TULP4: variants seen among roughly 807,000 people sequenced by gnomAD.
TULP4 encodes the protein tubby-related protein 4.
TULP4 carries 16 observed loss-of-function variants against 129.0 expected under a neutral mutation model. The ratio of observed to expected loss-of-function variants is 0.12; its 90% CI spans 0.08 to 0.19. The LOEUF (loss-of-function observed/expected upper bound fraction) is 0.19, where lower values mean the gene tolerates loss of function less well. Ranked by LOEUF, TULP4 falls within the 10% of genes least tolerant of loss-of-function variation. The probability of loss-of-function intolerance (pLI) is 1.00; values close to 1 mark genes in which losing one functional copy is unlikely to be tolerated. For synonymous variants in TULP4, 998 were observed against 854.0 expected, an observed-to-expected ratio of 1.17 and a Z score of -2.94; for missense variants, 1,842 against 2,059.1, an observed-to-expected ratio of 0.89 and a Z score of 2.04.
rs576395443 is a variant in TULP4 at position 158,246,517 on chromosome 6, T to G, written n.68+14214T>G. 9.2e-5 allele frequency among the ~76,000 whole-genome samples: 14 copies of G among 151,938 alleles called. 1 individual carries two copies. In the East Asian group the frequency reaches 2.3e-3, roughly 25 times the overall value. On this transcript the variant is annotated intron_variant and non_coding_transcript_variant, in intron 1 of 1. Coordinates refer to the TULP4 transcript ENST00000620026. Reference sequence around the variant, plus strand: ...AAAAAAAAAAAAAAAATTAAATACATTATTTGCTCAGAAACATTAATCACA... The same window carrying G: ...AAAAAAAAAAAAAAAATTAAATACAGTATTTGCTCAGAAACATTAATCACA...
chr6:158,242,002 T>G, intron 1 of TULP4: 2 of 846,926 alleles, frequency 2.4e-6, no homozygotes, highest in Non-Finnish European at 4.2e-6. Context: ...ATTTTGGTCC[T>G]TGTTAATGGT....
chr6:158,429,250 C>A (rs1287501431), intron 2 of TULP4, among the ~76,000 whole-genome samples: 1 of 152,230 alleles, frequency 6.6e-6, no homozygotes, highest in Non-Finnish European at 1.5e-5. Context: ...GTGATTCTCT[C>A]ACCTCTGCCT....
intron 1 of TULP4, among the ~76,000 whole-genome samples, chr6:158,342,484 G>T: frequency 6.6e-6 from 1 of 152,212 alleles, no homozygotes; most frequent in Non-Finnish European, 1.5e-5. Flanking sequence ...AGGAAAAATA[G>T]TTCCACGTGC....
chr6:158,301,034 A>G (rs540864169), intron 1 of TULP4, among the ~76,000 whole-genome samples: 4 of 152,236 alleles, frequency 2.6e-5, no homozygotes, highest in African/African-American at 4.8e-5. Context: ...TATGTGTAAT[A>G]TAGAAAGGGT....
chr6:158,270,550 C>T (rs936968504), intron 1 of TULP4, among the ~76,000 whole-genome samples: 3 of 152,160 alleles, frequency 2.0e-5, no homozygotes, highest in African/African-American at 4.8e-5. Context: ...TCTCTGGTAC[C>T]GGGGCCGGTG....
At chr6:158,358,001 C>G (rs1471513008) in intron 1 of TULP4, among the ~76,000 whole-genome samples, 1 of 152,184 alleles carries the variant, frequency 6.6e-6, no homozygotes, top group African/African-American at 2.4e-5. Flanking sequence ...GTGGTTGTGT[C>G]TGCCCTGACA....
At chr6:158,360,122 C>A (rs1473504489) in intron 1 of TULP4, among the ~76,000 whole-genome samples, 1 of 148,608 alleles carries the variant, frequency 6.7e-6, no homozygotes, top group Non-Finnish European at 1.5e-5. Flanking sequence ...AACAAACAAA[C>A]AAGGAAAAAA....
chr6:158,401,678 AAGG>A (rs1315467912), intron 1 of TULP4, among the ~76,000 whole-genome samples: 1 of 152,050 alleles, frequency 6.6e-6, no homozygotes, highest in Admixed American at 6.6e-5. Flanking sequence ...TCTGGACATG[AAGG>A]AGCTCATCTC....
At chr6:158,350,312 TC>T (rs1780481863) in intron 1 of TULP4, among the ~76,000 whole-genome samples, 1 of 146,574 alleles carries the variant, frequency 6.8e-6, no homozygotes, top group African/African-American at 2.5e-5. Flanking sequence ...GCTGCTCACT[TC>T]CTAGATGGGG....
At chr6:158,457,072 T>C (rs527533833) in intron 5 of TULP4, among the ~76,000 whole-genome samples, 30 of 152,264 alleles carry the variant, frequency 2.0e-4, no homozygotes, top group South Asian at 1.2e-3. Context: ...ACCAGAATAC[T>C]GTTGGAGACG....
Position 158,298,260 on chromosome 6 carries a change from C to T in TULP4, n.117-13791C>T, listed in dbSNP as rs180791708. ...TTTTACAATCAATTTGTACAGTTAA[C>T]ACAATTATCACAGTGGTCCTGAGGT... On this transcript the variant is annotated intron_variant and non_coding_transcript_variant, in intron 1 of 1. Coordinates refer to the TULP4 transcript ENST00000432358. 3.7e-3 allele frequency among the ~76,000 whole-genome samples: 564 copies of T among 152,240 alleles called. 4 individuals carry two copies. Among genetic ancestry groups the T allele is most frequent in the African/African-American group, 0.013 (537 of 41,522 alleles).
At chr6:158,370,491 G>A (rs201422460) in intron 1 of TULP4, among the ~76,000 whole-genome samples, 2 of 141,046 alleles carry the variant, frequency 1.4e-5, no homozygotes, top group South Asian at 2.3e-4. Context: ...AAAGATTGTG[G>A]CACTGCACTC....
chr6:158,502,641 A>G lies in TULP4; in HGVS notation c.2978A>G (p.Glu993Gly). The change falls in exon 13 of 14, where the codon GAG becomes GGG. Residue 993 changes from glutamate to glycine, a missense_variant. By Grantham distance (98) the Glu-to-Gly change is moderately conservative (BLOSUM62 -2). Around this residue, in one of 5 missense-constraint regions of TULP4, gnomAD observed 1,089 missense variants for 987.1 expected, o/e 1.10. Transcript: ENST00000367097. ...GCTACCCTGCGGAGGAACAACCGTG[A>G]GGCTACGCTCAAGATGGCCCAGCTG... Reference protein sequence around the residue: ...IHATLRRNNREATLKMAQLAD... With the variant: ...IHATLRRNNRGATLKMAQLAD... The G allele has an allele frequency of 6.3e-7, 1 of 1,585,732 alleles. No individual in the cohort carries two copies. Among genetic ancestry groups the G allele is most frequent in the Non-Finnish European group, 8.5e-7 (1 of 1,170,986 alleles).
intron 13 of TULP4, 73 bp from the exon 14 acceptor site, chr6:158,506,505 A>G: frequency 1.0e-6 from 1 of 983,406 alleles, no homozygotes; most frequent in Non-Finnish European, 1.6e-6. Flanking sequence ...TGCTGGGACT[A>G]CAGGCGTGAG....
chr6:158,275,331 TG>T (rs1778625407), intron 1 of TULP4, among the ~76,000 whole-genome samples: 1 of 152,220 alleles, frequency 6.6e-6, no homozygotes, highest in Non-Finnish European at 1.5e-5. Flanking sequence ...CTGATGGTTC[TG>T]TGGATAGTGG....
At chr6:158,355,348 A>G (rs1185017184) in intron 1 of TULP4, among the ~76,000 whole-genome samples, 1 of 152,148 alleles carries the variant, frequency 6.6e-6, no homozygotes, top group Non-Finnish European at 1.5e-5. Context: ...GGCCTCCCAA[A>G]GTGCTGGGAT....
chr6:158,412,845 G>A (rs776817349), intron 1 of TULP4, among the ~76,000 whole-genome samples: 1 of 152,114 alleles, frequency 6.6e-6, no homozygotes, highest in African/African-American at 2.4e-5. Context: ...GGGCATGTTC[G>A]CACTGTCTCT....
At chr6:158,462,563 T>G (rs1002927775) in intron 6 of TULP4, among the ~76,000 whole-genome samples, 1 of 149,450 alleles carries the variant, frequency 6.7e-6, no homozygotes, top group South Asian at 2.1e-4. Context: ...TTACTAGAGA[T>G]GGGGTTTCAC....
At chr6:158,369,577 T>G (rs1777027060) in intron 1 of TULP4, among the ~76,000 whole-genome samples, 1 of 152,116 alleles carries the variant, frequency 6.6e-6, no homozygotes, top group Admixed American at 6.5e-5. Context: ...GAGCATTCAT[T>G]TGGGTGGAAA....
Sources: gnomAD v4.1 joint callset for allele counts (sites outside exome capture counted in the v4.1 genomes callset) on GRCh38, gnomAD v4.1.1 for gene constraint, gnomAD v4.1.1 regional missense constraint, MANE v1.5 for transcripts, NCBI Gene and HGNC (gene_info 2026-07-23, HGNC 2026-07-21) for gene names.